Variants in ZBTB40 observed in about 807,000 individuals in gnomAD.
ZBTB40 encodes zinc finger and BTB domain-containing protein 40.
A neutral mutation model predicts 117.5 loss-of-function variants in ZBTB40; 60 were observed. The observed-to-expected ratio is 0.51, with a 90% CI of 0.41 to 0.63. ZBTB40 has a LOEUF of 0.63. Ranked by LOEUF, ZBTB40 falls within the 30% of genes least tolerant of loss-of-function variation. The probability of loss-of-function intolerance (pLI) is 0.00; values close to 1 mark genes in which losing one functional copy is unlikely to be tolerated. For missense variants in ZBTB40, 1,287 were observed against 1,498.5 expected, an observed-to-expected ratio of 0.86 and a Z score of 2.33; for synonymous variants, 525 against 577.1, an observed-to-expected ratio of 0.91 and a Z score of 1.29.
intron 1 of ZBTB40, among the ~76,000 whole-genome samples, chr1:22,482,390 C>G (rs1264358433): frequency 1.3e-5 from 2 of 152,288 alleles, no homozygotes; most frequent in South Asian, 2.1e-4. Context: ...GCAGATCCCT[C>G]CCCACTCCCA....
chr1:22,490,618 G>A lies in ZBTB40; in HGVS notation c.670G>A (p.Glu224Lys), dbSNP rs760197978. 1.9e-6 allele frequency: 3 copies of A among 1,613,766 alleles called. No homozygotes were observed. The highest frequency in any genetic ancestry group is 3.3e-5 in the Admixed American group (2 of 60,028). The change falls in exon 2 of 18, where the codon GAG (glutamate) becomes AAG (lysine). Residue 224 changes from glutamate (E) to lysine (K), a missense_variant. Transcript: ENST00000375647. ...CTCCCCTGCTGTGCAAACCTTTAGTGAGGCAAAGAAGACAAGCACAGAACC... is the reference window on the plus strand; with the variant it reads ...CTCCCCTGCTGTGCAAACCTTTAGTAAGGCAAAGAAGACAAGCACAGAACC... ...SPSPAVQTFS[E>K]AKKTSTEPGC...
At chr1:22,437,269 G>T (rs998947355) in intron 1 of ZBTB40, among the ~76,000 whole-genome samples, 1 of 152,150 alleles carries the variant, frequency 6.6e-6, no homozygotes, top group Non-Finnish European at 1.5e-5. Context: ...GCTGGGTAAG[G>T]AAACCTGAAT....
chr1:22,467,995 G>A (rs150990010), intron 1 of ZBTB40, among the ~76,000 whole-genome samples: 1 of 151,666 alleles, frequency 6.6e-6, no homozygotes, highest in Non-Finnish European at 1.5e-5. Context: ...AGGCTGATGC[G>A]GGAGGATTGC....
chr1:22,512,374 A>G (rs894508684), intron 11 of ZBTB40, among the ~76,000 whole-genome samples: 2 of 152,244 alleles, frequency 1.3e-5, no homozygotes, highest in Non-Finnish European at 2.9e-5. Flanking sequence ...TTGCATTGTT[A>G]TGAAGACTTA....
chr1:22,489,840 T>G, intron 1 of ZBTB40, 40 bp from the exon 2 acceptor site: 1 of 1,022,264 alleles, frequency 9.8e-7, no homozygotes, highest in Non-Finnish European at 1.5e-6. Flanking sequence ...TCCCTATGGT[T>G]TTTTGAAGTT....
In ZBTB40 at chr1:22,527,695, G is replaced by A. The variant is rs1401250149; in HGVS notation, c.*1299G>A. The A allele has an allele frequency of 6.6e-6, 1 of 152,422 alleles. No homozygotes were observed. 9.4% of individuals were successfully genotyped at this position (152,422 alleles called of 1,614,324 possible). Reference sequence around the variant, plus strand: ...CCTGGTTGGATCCCACACTGGCAGAGATGGGGCCACCCCTTCCTTCCAGGC... The same window carrying A: ...CCTGGTTGGATCCCACACTGGCAGAAATGGGGCCACCCCTTCCTTCCAGGC... On this transcript the variant is annotated 3_prime_UTR_variant, in exon 18 of 18. Coordinates refer to ENST00000375647, the MANE Select transcript of ZBTB40 (RefSeq NM_014870.4).
At chr1:22,465,481 C>G (rs1641232309) in intron 1 of ZBTB40, among the ~76,000 whole-genome samples, 1 of 152,176 alleles carries the variant, frequency 6.6e-6, no homozygotes, top group Non-Finnish European at 1.5e-5. Flanking sequence ...CCACTCTGGT[C>G]AGTGGGACTG....
At chr1:22,487,177 C>T (rs1322920556) in intron 1 of ZBTB40, among the ~76,000 whole-genome samples, 1 of 152,122 alleles carries the variant, frequency 6.6e-6, no homozygotes, top group East Asian at 1.9e-4. Context: ...AGTCTGTTTG[C>T]TTTTAGGACG....
rs1347744201 is a variant in ZBTB40 at position 22,511,858 on chromosome 1, C to T, written c.2185C>T (p.Pro729Ser). Reference protein sequence around the residue: ...GQQEKEASASPDPAKKSFICK... With the variant: ...GQQEKEASASSDPAKKSFICK... Reference sequence around the variant, plus strand: ...GCAAGAGAAAGAGGCTTCAGCCTCCCCAGACCCTGCCAAGAAGAGCTTCAT... The same window carrying T: ...GCAAGAGAAAGAGGCTTCAGCCTCCTCAGACCCTGCCAAGAAGAGCTTCAT... Residue 729 changes from proline (P) to serine (S), a missense_variant, in exon 11 of 18, where the codon CCA becomes TCA. Around this residue, in one of 2 missense-constraint regions of ZBTB40, gnomAD observed 870 missense variants for 934.4 expected, o/e 0.93. Transcript: ENST00000375647. The T allele has an allele frequency of 6.2e-7, 1 of 1,613,994 alleles. No individual in the cohort carries two copies. Among genetic ancestry groups the T allele is most frequent in the East Asian group, 2.2e-5 (1 of 44,878 alleles).
At chr1:22,475,333 TC>T (rs1641527846) in intron 1 of ZBTB40, among the ~76,000 whole-genome samples, 1 of 152,198 alleles carries the variant, frequency 6.6e-6, no homozygotes, top group Admixed American at 6.5e-5. Flanking sequence ...CTGGCTATTG[TC>T]TGGACTCATG....
At chr1:22,489,599 C>G (rs890820023) in intron 1 of ZBTB40, among the ~76,000 whole-genome samples, 1 of 152,150 alleles carries the variant, frequency 6.6e-6, no homozygotes, top group Admixed American at 6.5e-5. Context: ...CCAATCTCAT[C>G]TGTAAAATGG....
intron 1 of ZBTB40, among the ~76,000 whole-genome samples, chr1:22,476,672 A>G (rs552805517): frequency 6.6e-6 from 1 of 152,366 alleles, no homozygotes; most frequent in Non-Finnish European, 1.5e-5. Context: ...TGGTTCAGCC[A>G]ATTAAGTTTC....
chr1:22,441,782 C>A (rs990764512), intron 1 of ZBTB40, among the ~76,000 whole-genome samples: 8 of 152,060 alleles, frequency 5.3e-5, no homozygotes, highest in African/African-American at 1.7e-4. Context: ...TGTGCCTGGC[C>A]ATTATTATTT....
chr1:22,439,906 A>G (rs1381225838), intron 1 of ZBTB40, among the ~76,000 whole-genome samples: 2 of 152,234 alleles, frequency 1.3e-5, no homozygotes, highest in African/African-American at 4.8e-5. Context: ...ATCCATAGAT[A>G]GCTTTTGGTA....
At chr1:22,500,492 C>T (rs1557509194) in intron 3 of ZBTB40, among the ~76,000 whole-genome samples, 1 of 152,270 alleles carries the variant, frequency 6.6e-6, no homozygotes, top group East Asian at 1.9e-4. Context: ...AAGATTGAGA[C>T]CAGTCGTAGG....
chr1:22,530,078 CA>C lies in ZBTB40; in HGVS notation c.*3685del, dbSNP rs1208462605. The C allele has an allele frequency of 6.6e-6, 1 of 151,964 alleles. No homozygotes were observed. The highest frequency in any genetic ancestry group is 2.4e-5 in the African/African-American group (1 of 41,308). 9.4% of individuals were successfully genotyped at this position (151,964 alleles called of 1,614,324 possible). The stretch of plus-strand genomic sequence containing the variant: ...ACGTGCCTGGAAGCTGCACATTGAC[CA>C]AAGGAGGGAGGGAAGTGCTAACCAT... On this transcript the variant is annotated 3_prime_UTR_variant, in exon 18 of 18. Transcript: ENST00000375647.
chr1:22,504,435 T>C (rs1639026230), intron 5 of ZBTB40, among the ~76,000 whole-genome samples: 1 of 152,182 alleles, frequency 6.6e-6, no homozygotes, highest in Non-Finnish European at 1.5e-5. Flanking sequence ...TTTGCCCTCA[T>C]AGCAACTTTA....
intron 12 of ZBTB40, among the ~76,000 whole-genome samples, chr1:22,515,029 A>C (rs1362015868): frequency 6.6e-6 from 1 of 152,238 alleles, no homozygotes; most frequent in Non-Finnish European, 1.5e-5. Flanking sequence ...AAGAAGCATA[A>C]AGCAGGGTAC....
At position 22,527,785 on chromosome 1, in the gene ZBTB40, T is replaced by A. The variant is rs1019841017; in HGVS notation, c.*1389T>A. 1.3e-5 allele frequency: 2 copies of A among 152,388 alleles called. No individual in the cohort carries two copies. Among genetic ancestry groups the A allele is most frequent in the African/African-American group, 4.8e-5 (2 of 41,450 alleles). 9.4% of individuals were successfully genotyped at this position (152,388 alleles called of 1,614,324 possible). On this transcript the variant is annotated 3_prime_UTR_variant, in exon 18 of 18. Transcript: ENST00000375647. ...TGGTCACCATGGAAGCTTTTATTGCTCCCACATGGTCAGGTCTCACCCTGC... is the reference window on the plus strand; with the variant it reads ...TGGTCACCATGGAAGCTTTTATTGCACCCACATGGTCAGGTCTCACCCTGC...
Sources: allele counts gnomAD v4.1 joint callset (sites outside exome capture counted in the v4.1 genomes callset), GRCh38; gene constraint gnomAD v4.1.1; regional missense constraint gnomAD v4.1.1; transcripts MANE v1.5; gene names NCBI Gene and HGNC (gene_info 2026-07-23, HGNC 2026-07-21).